NAGA: variants seen among roughly 807,000 people sequenced by gnomAD.
The protein encoded by NAGA is Acetylgalactosaminidase, alpha-N- (alpha-galactosidase B).
A neutral mutation model predicts 45.6 loss-of-function variants in NAGA; 42 were observed. That is an observed-to-expected ratio of 0.92 (90% CI 0.72 to 1.19). The LOEUF (loss-of-function observed/expected upper bound fraction) is 1.19. Among genes scored for constraint, NAGA ranks in the 50% most tolerant of loss-of-function variants. The pLI, the probability that NAGA is intolerant of heterozygous loss-of-function variation, is 0.00. For missense variants in NAGA, 493 were observed against 544.8 expected, an observed-to-expected ratio of 0.90 and a Z score of 0.95; for synonymous variants, 176 against 203.1, an observed-to-expected ratio of 0.87 and a Z score of 1.13.
chr22:42,060,508 T>C, intron 8 of NAGA, 95 bp from the exon 9 acceptor site: 1 of 1,564,224 alleles, frequency 6.4e-7, no homozygotes, highest in Non-Finnish European at 8.7e-7. Flanking sequence ...GCCTGGACTT[T>C]GGCCTGTCTG....
At chr22:42,065,677 C>G in intron 6 of NAGA, 61 bp downstream of exon 6, 1 of 1,604,194 alleles carries the variant, frequency 6.2e-7, no homozygotes, top group Non-Finnish European at 8.5e-7. Flanking sequence ...AAGCACAGGG[C>G]AGTGGGGAGC....
Position 42,063,019 on chromosome 22 carries a change from G to T in NAGA, c.765C>A (p.Leu255=), listed in dbSNP as rs758213230. 1.5e-5 allele frequency: 24 copies of T among 1,614,100 alleles called. No homozygotes were observed. Among genetic ancestry groups the T allele is most frequent in the Non-Finnish European group, 2.0e-5 (24 of 1,180,016 alleles). ...CTAAGCTGAGACCAAAGTTCCCAATGAGCAGCTGGGGGCAGAGAAGAGGAG... is the reference window on the plus strand; with the variant it reads ...CTAAGCTGAGACCAAAGTTCCCAATTAGCAGCTGGGGGCAGAGAAGAGGAG... ...PGHWNDPDML[L]IGNFGLSLEQ... is the part of the protein sequence containing the mutation. The change falls in exon 7 of 9, where the codon CTC becomes CTA. Residue 255 remains leucine (L), a synonymous_variant. Coordinates refer to ENST00000396398, the MANE Select transcript of NAGA (RefSeq NM_000262.3).
intron 2 of NAGA, 141 bp downstream of exon 2, chr22:42,068,298 C>A: frequency 7.3e-7 from 1 of 1,377,068 alleles, no homozygotes; most frequent in African/African-American, 1.4e-5. Context: ...AGGTGTCAGA[C>A]AGTCCGAGTG....
Position 42,068,450 on chromosome 22 carries a change from C to T in NAGA, c.141G>A (p.Lys47=). ...TGGACCTTACTCACCTTATGCAGTT[C>T]TTTGGGTCCTCATCACAGTTAATGT... ...RCNINCDEDP[K]NCISEQLFME... is the part of the protein sequence containing the mutation. Residue 47 remains lysine (K), a synonymous_variant, in exon 2 of 9, where the codon AAG becomes AAA. Coordinates refer to ENST00000396398, the MANE Select transcript of NAGA (RefSeq NM_000262.3). 3 of 1,614,166 alleles carry T rather than the reference C, an allele frequency of 1.9e-6. No individual in the cohort carries two copies. Among genetic ancestry groups the T allele is most frequent in the Non-Finnish European group, 2.5e-6 (3 of 1,180,042 alleles).
At chr22:42,070,824 G>A (rs1927009457), upstream of NAGA, 2 of 198,748 alleles carry the variant, frequency 1.0e-5, no homozygotes, top group South Asian at 1.6e-4. Flanking sequence ...AGTCCGAAGC[G>A]TTCCAGTGAG....
chr22:42,062,752 G>A (rs1411233716), intron 7 of NAGA, 75 bp downstream of exon 7: 3 of 1,539,102 alleles, frequency 1.9e-6, no homozygotes, highest in Non-Finnish European at 2.7e-6. Flanking sequence ...GTTGCCCCCA[G>A]GGAGGCTGGC....
chr22:42,061,908 T>A (rs2013960), intron 7 of NAGA, among the ~76,000 whole-genome samples: 57,797 of 141,220 alleles, frequency 0.41, 13,833 homozygotes, highest in East Asian at 0.84. Context: ...GCTGAGATGG[T>A]GCCACTGCAC....
chr22:42,068,298 C>T lies in NAGA; in HGVS notation c.152+141G>A. ...ACAGGTCATGGGGCTAGGTGTCAGA[C>T]AGTCCGAGTGACTTCTGGCTGCAGT... is the stretch of plus-strand genomic sequence containing the variant. On this transcript the variant is annotated intron_variant, in intron 2 of 8. Coordinates refer to ENST00000396398, the MANE Select transcript of NAGA (RefSeq NM_000262.3). 1.5e-5 allele frequency: 20 copies of T among 1,377,070 alleles called. No homozygotes were observed. In the South Asian group the frequency reaches 2.1e-4, roughly 15 times the overall value. The allele number at this position is 1,377,070 out of a possible 1,614,324, so 85.3% of individuals were successfully genotyped here.
chr22:42,067,314 G>C, intron 3 of NAGA, 24 bp from the exon 4 acceptor site: 2 of 1,613,578 alleles, frequency 1.2e-6, no homozygotes, highest in Non-Finnish European at 1.7e-6. Context: ...AGGACACAGT[G>C]GGCTCAAGCA....
rs746327205 is a variant in NAGA, at chr22:42,060,239, C to T, written c.*40G>A. On this transcript the variant is annotated 3_prime_UTR_variant, in exon 9 of 9. Transcript: ENST00000396398. Reference sequence around the variant, plus strand: ...GCATGCCAAGGCTCCATGGTCTAGGCTCAGTGGTGCCACCACAGCCTGTCA... The same window carrying T: ...GCATGCCAAGGCTCCATGGTCTAGGTTCAGTGGTGCCACCACAGCCTGTCA... 8.7e-6 allele frequency: 14 copies of T among 1,610,898 alleles called. No homozygotes were observed. In the African/African-American group the frequency reaches 1.9e-4, roughly 22 times the overall value.
chr22:42,061,210 G>T, intron 7 of NAGA, 143 bp from the exon 8 acceptor site: 1 of 1,033,928 alleles, frequency 9.7e-7, no homozygotes, highest in Non-Finnish European at 1.4e-6. Flanking sequence ...CGGGCCTCCA[G>T]CACCCCAGCT....
chr22:42,066,696 G>A lies in NAGA; in HGVS notation c.597+14C>T, dbSNP rs1343749854. 3 of 1,586,334 alleles carry A rather than the reference G, an allele frequency of 1.9e-6. No homozygotes were observed. Among genetic ancestry groups the A allele is most frequent in the African/African-American group, 2.7e-5 (2 of 74,448 alleles). The stretch of plus-strand genomic sequence containing the variant: ...TGTGGGAAGCGCCATCAGGCAGGGG[G>A]CAGAATGGCTTACCCTTGGGGGGAG... On this transcript the variant is annotated intron_variant, in intron 5 of 8. Coordinates refer to ENST00000396398, the MANE Select transcript of NAGA (RefSeq NM_000262.3).
intron 1 of NAGA, among the ~76,000 whole-genome samples, chr22:42,069,568 T>C (rs1926929246): frequency 7.3e-6 from 1 of 136,204 alleles, no homozygotes; most frequent in African/African-American, 2.9e-5. Flanking sequence ...TGAGCCGAGA[T>C]CGCGCCACTC....
rs1184440949 is a variant in NAGA, at chr22:42,067,012, G to C, written c.502+101C>G. On this transcript the variant is annotated intron_variant, in intron 4 of 8. Coordinates refer to ENST00000396398, the MANE Select transcript of NAGA (RefSeq NM_000262.3). The stretch of plus-strand genomic sequence containing the variant: ...GGGAGCCACAATCCCCCTAACCCCT[G>C]GGTAGGGGGAATTGGGAAGCTCAGC... The C allele has an allele frequency of 1.9e-6, 3 of 1,553,032 alleles. No individual in the cohort carries two copies. The African/African-American group carries it at 4.1e-5, about 21-fold the overall frequency.
chr22:42,067,220 C>G lies in NAGA; in HGVS notation c.395G>C (p.Gly132Ala). The G allele has an allele frequency of 6.2e-7, 1 of 1,614,166 alleles. No homozygotes were observed. The highest frequency in any genetic ancestry group is 8.5e-7 in the Non-Finnish European group (1 of 1,180,030). The change falls in exon 4 of 9, where the codon GGC (glycine) becomes GCC (alanine). Residue 132 changes from glycine to alanine, a missense_variant. By Grantham distance (60) the Gly-to-Ala change is moderately conservative. Transcript: ENST00000396398. Reference sequence around the variant, plus strand: ...CTGGACCACCTTGTCCAGTGTGGTGCCTGGGTAACCCATGCAGGTGAAGTT... The same window carrying G: ...CTGGACCACCTTGTCCAGTGTGGTGGCTGGGTAACCCATGCAGGTGAAGTT... ...MGNFTCMGYP[G>A]TTLDKVVQDA...
intron 5 of NAGA, 110 bp from the exon 6 acceptor site, chr22:42,066,009 G>A (rs939544594): frequency 7.1e-7 from 1 of 1,407,574 alleles, no homozygotes; most frequent in Non-Finnish European, 9.8e-7. Context: ...GTGGGGAAGA[G>A]GGAAGAGAAC....
In NAGA at chr22:42,062,834, A is replaced by C; in HGVS notation, c.950T>G (p.Ile317Ser). The change falls in exon 7 of 9, where the codon ATT becomes AGT. Residue 317 changes from isoleucine to serine, a missense_variant. Ile to Ser is a moderately radical substitution (Grantham distance 142). Transcript: ENST00000396398. Reference sequence around the variant, plus strand: ...CCCTCCACACCCTAGTACCTTGTGAATCCTGCGTCCCTGGATGCCTAAGGG... The same window carrying C: ...CCCTCCACACCCTAGTACCTTGTGACTCCTGCGTCCCTGGATGCCTAAGGG... ...QDPLGIQGRRIHKEKSLIEVY... is the reference protein window; with the variant it reads ...QDPLGIQGRRSHKEKSLIEVY... 1 of 1,614,020 alleles carries C rather than the reference A, an allele frequency of 6.2e-7. No individual in the cohort carries two copies. Among genetic ancestry groups the C allele is most frequent in the Non-Finnish European group, 8.5e-7 (1 of 1,179,894 alleles).
At chr22:42,070,216 A>G (rs1926971345) in intron 1 of NAGA, 66 bp downstream of exon 1, 1 of 1,576,290 alleles carries the variant, frequency 6.3e-7, no homozygotes, top group East Asian at 2.2e-5. Context: ...TTAGGGAAGA[A>G]GGGCCAAAGC....
rs1926983136 is a variant in NAGA at position 42,070,383 on chromosome 22, G to T, written c.-86C>A. 3.2e-6 allele frequency: 5 copies of T among 1,548,366 alleles called. No homozygotes were observed. Among genetic ancestry groups the T allele is most frequent in the East Asian group, 2.2e-5 (1 of 44,590 alleles). The stretch of plus-strand genomic sequence containing the variant: ...TGTTGGGCTCTGGAAGCTAAGAAAC[G>T]TCTGAAAAGCACTGGGGTCACGGCT... On this transcript the variant is annotated 5_prime_UTR_variant, in exon 1 of 9. Coordinates refer to ENST00000396398, the MANE Select transcript of NAGA (RefSeq NM_000262.3).
Sources: gnomAD v4.1 joint callset for allele counts (sites outside exome capture counted in the v4.1 genomes callset) on GRCh38, gnomAD v4.1.1 for gene constraint, MANE v1.5 for transcripts, NCBI Gene and HGNC (gene_info 2026-07-23, HGNC 2026-07-21) for gene names.